The following ARHGAP19 variants were observed in gnomAD, a reference collection of about 807,000 sequenced individuals.
ARHGAP19 encodes Rho GTPase activating protein 19, also known as rho GTPase-activating protein 19.
Under a neutral mutation model 60.9 loss-of-function variants are expected in ARHGAP19, and 48 were observed. The ratio of observed to expected loss-of-function variants is 0.79; its 90% CI spans 0.62 to 1.00. The LOEUF is 1.00. ARHGAP19 is among the 50% of genes least tolerant of loss of function. The pLI is 0.00. For synonymous variants in ARHGAP19, 209 were observed against 215.5 expected, an observed-to-expected ratio of 0.97 and a Z score of 0.27; for missense variants, 562 against 597.2, an observed-to-expected ratio of 0.94 and a Z score of 0.61.
chr10:97,269,045 A>G (rs191395028), intron 1 of ARHGAP19, among the ~76,000 whole-genome samples: 223 of 152,284 alleles, frequency 1.5e-3, no homozygotes, highest in African/African-American at 5.2e-3. Context: ...ATTGAAATTC[A>G]CCTGACTCAT....
intron 4 of ARHGAP19, among the ~76,000 whole-genome samples, chr10:97,261,993 G>A (rs1776949856): frequency 6.6e-6 from 1 of 152,090 alleles, no homozygotes; most frequent in African/African-American, 2.4e-5. Context: ...ATAAAAATCA[G>A]AGAAAAGGAA....
chr10:97,262,265 T>C (rs988060314), intron 4 of ARHGAP19, among the ~76,000 whole-genome samples: 3 of 151,568 alleles, frequency 2.0e-5, no homozygotes, highest in Admixed American at 1.3e-4. Flanking sequence ...GAACTGGGTG[T>C]TGGGGAACAA....
intron 7 of ARHGAP19, 95 bp from the exon 8 acceptor site, chr10:97,244,254 G>T: frequency 1.0e-6 from 1 of 978,382 alleles, no homozygotes; most frequent in Non-Finnish European, 1.5e-6. Flanking sequence ...GGGAGAGTGG[G>T]GACATGGTAT....
chr10:97,228,760 G>A (rs187820152), intron 11 of ARHGAP19, among the ~76,000 whole-genome samples: 2 of 152,294 alleles, frequency 1.3e-5, no homozygotes, highest in Admixed American at 1.3e-4. Flanking sequence ...ACTAATTAGG[G>A]CTGGCCTACA....
chr10:97,268,470 G>A (rs866020263), intron 1 of ARHGAP19, among the ~76,000 whole-genome samples: 1 of 152,104 alleles, frequency 6.6e-6, no homozygotes, highest in Non-Finnish European at 1.5e-5. Flanking sequence ...TACTGTATTA[G>A]TCTGTTCTCA....
rs1850890357 is a variant in ARHGAP19, at chr10:97,226,130, A to C, written c.1477T>G (p.Phe493Val). ...AGACAACTCTGGATCCTTCAGAGAA[A>C]TCCTAGGTTGAAGGAAAAACAAGAG... Reference protein sequence around the residue: ...SEGKKEGKKGFL With the variant: ...SEGKKEGKKGVL The change falls in exon 12 of 12, where the codon TTT becomes GTT. Residue 493 changes from phenylalanine to valine, a missense_variant and splice_region_variant. Phe to Val is a conservative substitution (Grantham distance 50, BLOSUM62 -1). Transcript: ENST00000358531. 6 of 1,613,824 alleles carry C rather than the reference A, an allele frequency of 3.7e-6. No individual in the cohort carries two copies. Among genetic ancestry groups the C allele is most frequent in the Non-Finnish European group, 4.2e-6 (5 of 1,179,898 alleles).
At chr10:97,270,520 A>AT (rs1589375808) in intron 1 of ARHGAP19, 1 of 1,110,456 alleles carries the variant, frequency 9.0e-7, no homozygotes, top group East Asian at 2.6e-5. Flanking sequence ...AAACTACTAT[A>AT]TTTAAGCAAA....
chr10:97,271,668 TCA>T (rs1046157653), intron 1 of ARHGAP19, among the ~76,000 whole-genome samples: 6 of 152,122 alleles, frequency 3.9e-5, no homozygotes, highest in South Asian at 2.1e-4. Context: ...ATTTTTATTC[TCA>T]GTTTGCTATG....
intron 1 of ARHGAP19, among the ~76,000 whole-genome samples, chr10:97,283,501 C>T (rs1270531741): frequency 6.6e-6 from 1 of 151,778 alleles, no homozygotes; most frequent in Non-Finnish European, 1.5e-5. Flanking sequence ...CTGCAGCAAG[C>T]TGAGATCATG....
chr10:97,246,203 C>A, intron 7 of ARHGAP19, 69 bp downstream of exon 7: 1 of 1,281,492 alleles, frequency 7.8e-7, no homozygotes, highest in South Asian at 1.2e-5. Context: ...TGACTTCATA[C>A]TTTGTTTTAA....
In ARHGAP19 at chr10:97,259,443, G is replaced by C. The variant is rs1183715396; in HGVS notation, c.799C>G (p.Leu267Val). 6.2e-7 allele frequency: 1 copy of C among 1,614,040 alleles called. No individual in the cohort carries two copies. The highest frequency in any genetic ancestry group is 8.5e-7 in the Non-Finnish European group (1 of 1,180,020). ...ACATGGGGTGCAAACATAAGGGCAA[G>C]GTTATAGGCTGACATCTTGTTCTTG... ...QDKNKMSAYN[L>V]ALMFAPHVLW... Residue 267 changes from leucine (L) to valine (V), a missense_variant, in exon 5 of 12, where the codon CTT becomes GTT. Leu to Val is a conservative substitution (Grantham distance 32, BLOSUM62 1). Coordinates refer to ENST00000358531, the MANE Select transcript of ARHGAP19 (RefSeq NM_032900.6).
intron 3 of ARHGAP19, 69 bp downstream of exon 3, chr10:97,264,756 GC>G: frequency 8.6e-7 from 1 of 1,161,548 alleles, no homozygotes; most frequent in Admixed American, 1.9e-5. Context: ...CTAACTCAAG[GC>G]AGTTAGCTCT....
chr10:97,236,681 T>A (rs1405614604), intron 8 of ARHGAP19, among the ~76,000 whole-genome samples: 1 of 151,638 alleles, frequency 6.6e-6, no homozygotes, highest in Non-Finnish European at 1.5e-5. Context: ...GTGGTGTACA[T>A]CTGTAGTCTC....
intron 9 of ARHGAP19, among the ~76,000 whole-genome samples, chr10:97,234,200 G>A (rs919906545): frequency 3.4e-4 from 51 of 152,014 alleles, no homozygotes; most frequent in African/African-American, 1.1e-3. Flanking sequence ...CCAAGAGGGG[G>A]AGGTTGCAGT....
chr10:97,263,469 C>T lies in ARHGAP19; in HGVS notation c.564G>A (p.Pro188=), dbSNP rs374014613. 45 of 1,614,062 alleles carry T rather than the reference C, an allele frequency of 2.8e-5. No homozygotes were observed. Among genetic ancestry groups the T allele is most frequent in the South Asian group, 2.2e-4 (20 of 91,070 alleles). The change falls in exon 4 of 12, where the codon CCG becomes CCA. Residue 188 remains proline, a synonymous_variant. Transcript: ENST00000358531. The part of the protein sequence containing the change: ...TLLKMFLGEL[P]EPLLTHKHFN... ...AGTGTTTATGTGTCAGCAGAGGCTC[C>T]GGCAACTCTCCTAGAAACATCTTCA...
chr10:97,259,209 T>C (rs1320831147), intron 5 of ARHGAP19, among the ~76,000 whole-genome samples, 193 bp downstream of exon 5: 1 of 152,218 alleles, frequency 6.6e-6, no homozygotes, highest in Non-Finnish European at 1.5e-5. Context: ...AGAGATTGAT[T>C]TATAAGTGAG....
intron 8 of ARHGAP19, among the ~76,000 whole-genome samples, chr10:97,242,767 T>C (rs1029857352): frequency 7.2e-5 from 11 of 151,944 alleles, no homozygotes; most frequent in Admixed American, 1.3e-4. Flanking sequence ...GCTTACCTCA[T>C]CCTCCCAAAG....
intron 1 of ARHGAP19, among the ~76,000 whole-genome samples, chr10:97,288,520 G>A (rs1843184791): frequency 6.6e-6 from 1 of 150,906 alleles, no homozygotes; most frequent in Non-Finnish European, 1.5e-5. Context: ...GGCAGAGGTT[G>A]CAGTGAGCTG....
At chr10:97,241,825 C>T (rs902044886) in intron 8 of ARHGAP19, among the ~76,000 whole-genome samples, 1 of 151,766 alleles carries the variant, frequency 6.6e-6, no homozygotes, top group African/African-American at 2.4e-5. Context: ...CTGGCTAACA[C>T]GGTGAAACCC....
Sources: gnomAD v4.1 joint callset for allele counts (sites outside exome capture counted in the v4.1 genomes callset) on GRCh38, gnomAD v4.1.1 for gene constraint, MANE v1.5 for transcripts, NCBI Gene and HGNC (gene_info 2026-07-23, HGNC 2026-07-21) for gene names.